PTPRG: variants seen among roughly 807,000 people sequenced by gnomAD.
The protein encoded by PTPRG is receptor-type tyrosine-protein phosphatase gamma.
In PTPRG, 102 loss-of-function variants were observed where a neutral mutation model predicts 165.3. The ratio of observed to expected loss-of-function variants is 0.62; its 90% confidence interval spans 0.53 to 0.73. The LOEUF is 0.73. Among genes scored for constraint, PTPRG ranks in the 30% least tolerant of loss-of-function variants. PTPRG has a pLI of 0.00. For missense variants in PTPRG, 1,866 were observed against 1,861.4 expected, an observed-to-expected ratio of 1.00 and a Z score of -0.05; for synonymous variants, 675 against 669.5, an observed-to-expected ratio of 1.01 and a Z score of -0.13.
chr3:61,654,061 C>T (rs1413692981), intron 1 of PTPRG, among the ~76,000 whole-genome samples: 1 of 152,156 alleles, frequency 6.6e-6, no homozygotes, highest in African/African-American at 2.4e-5. Flanking sequence ...TTCCAGGGCA[C>T]TTTGACTTTG....
chr3:62,009,156 G>C (rs2041361028), intron 4 of PTPRG, among the ~76,000 whole-genome samples: 1 of 152,146 alleles, frequency 6.6e-6, no homozygotes, highest in African/African-American at 2.4e-5. Flanking sequence ...TCTTGAAAAA[G>C]TATCCAGGGC....
chr3:62,251,783 T>A (rs1223757800), intron 15 of PTPRG, among the ~76,000 whole-genome samples: 1 of 152,212 alleles, frequency 6.6e-6, no homozygotes, highest in Non-Finnish European at 1.5e-5. Context: ...TACACAGGAA[T>A]ACAGTCTTTG....
chr3:61,862,710 T>C (rs1016465815), intron 2 of PTPRG, among the ~76,000 whole-genome samples: 1 of 152,194 alleles, frequency 6.6e-6, no homozygotes, highest in Non-Finnish European at 1.5e-5. Flanking sequence ...TTACTCAGAC[T>C]TAAAGAGTAG....
rs796738881 is a variant in PTPRG, at chr3:61,857,528, T to C, written c.190+108546T>C. On this transcript the variant is annotated intron_variant, in intron 2 of 29. Transcript: ENST00000474889. Reference sequence around the variant, plus strand: ...GTTGCCTTTGCCCCAGCACAGCGTATTGACAGTGATGATTCTTGAGTGTGA... The same window carrying C: ...GTTGCCTTTGCCCCAGCACAGCGTACTGACAGTGATGATTCTTGAGTGTGA... 1.9e-4 allele frequency among the ~76,000 whole-genome samples: 29 copies of C among 152,300 alleles called. 1 individual carries two copies. The highest frequency in any genetic ancestry group is 6.5e-4 in the African/African-American group (27 of 41,566).
chr3:62,142,876 A>C (rs1241611413), intron 6 of PTPRG, among the ~76,000 whole-genome samples: 2 of 152,236 alleles, frequency 1.3e-5, no homozygotes, highest in African/African-American at 4.8e-5. Flanking sequence ...TGATTAGCCC[A>C]GCAGGGATCA....
At chr3:61,677,017 C>T (rs1043037961) in intron 1 of PTPRG, among the ~76,000 whole-genome samples, 1 of 151,970 alleles carries the variant, frequency 6.6e-6, no homozygotes, top group South Asian at 2.1e-4. Flanking sequence ...GAGGCTGAGG[C>T]GGGTGGATCA....
chr3:61,571,954 T>C (rs1243892451), intron 1 of PTPRG, among the ~76,000 whole-genome samples: 1 of 152,200 alleles, frequency 6.6e-6, no homozygotes, highest in Non-Finnish European at 1.5e-5. Context: ...TGCCTCACCC[T>C]TCACTAAATG....
intron 2 of PTPRG, among the ~76,000 whole-genome samples, chr3:61,919,018 A>C (rs2039010420): frequency 6.6e-6 from 1 of 152,314 alleles, no homozygotes; most frequent in African/African-American, 2.4e-5. Flanking sequence ...CCCTTCCCAC[A>C]GTGTAGTAGG....
At chr3:61,703,480 G>A (rs541240820) in intron 1 of PTPRG, among the ~76,000 whole-genome samples, 8 of 152,312 alleles carry the variant, frequency 5.3e-5, no homozygotes, top group East Asian at 1.9e-4. Context: ...GAGTGATCCA[G>A]ATTTGGAAAC....
rs1321016247 is a variant in PTPRG, at chr3:62,273,115, C to G, written c.3318+34C>G. On this transcript the variant is annotated intron_variant, in intron 22 of 29. Coordinates refer to ENST00000474889, the MANE Select transcript of PTPRG (RefSeq NM_002841.4). The surrounding 1 kb of genome is among the most constrained non-coding windows in gnomAD (Gnocchi z 4.1). ...TAGCTGCCAGCGTCCTCACGACATT[C>G]TGGCAAATGCTGTAACTGAAATTTG... The G allele has an allele frequency of 1.3e-6, 2 of 1,563,852 alleles. No homozygotes were observed. The highest frequency in any genetic ancestry group is 4.6e-5 in the East Asian group (2 of 43,862).
chr3:61,960,693 C>T (rs564128415), intron 2 of PTPRG, among the ~76,000 whole-genome samples: 31 of 152,138 alleles, frequency 2.0e-4, no homozygotes, highest in Middle Eastern at 3.4e-3. Context: ...CAATTTTGTC[C>T]CCCTTGCTTC....
In PTPRG at chr3:61,738,300, A is replaced by ATGTATATATATATGTG. The variant is rs1559583330; in HGVS notation, c.86-10577_86-10576insGTATATATATATGTGT. Among the ~76,000 whole-genome samples the ATGTATATATATATGTG allele has an allele frequency of 4.1e-4, 25 of 60,634 alleles. No homozygotes were observed. The East Asian group carries it at 0.052, about 126-fold the overall frequency. 39.8% of individuals were successfully genotyped at this position (60,634 alleles called of 152,430 possible). The stretch of plus-strand genomic sequence containing the variant: ...TATACATATATATATATATATATAT[A>ATGTATATATATATGTG]TATATATATATACATATATATATAT... On this transcript the variant is annotated intron_variant, in intron 1 of 29. Coordinates refer to ENST00000474889, the MANE Select transcript of PTPRG (RefSeq NM_002841.4).
intron 4 of PTPRG, among the ~76,000 whole-genome samples, chr3:62,028,660 A>G (rs958865610): frequency 1.3e-5 from 2 of 152,254 alleles, no homozygotes; most frequent in African/African-American, 4.8e-5. Flanking sequence ...TGGGTTGCAC[A>G]TAACAGAAAC....
intron 2 of PTPRG, among the ~76,000 whole-genome samples, chr3:61,891,172 G>A (rs1044180598): frequency 4.6e-5 from 7 of 152,164 alleles, no homozygotes; most frequent in African/African-American, 1.7e-4. Context: ...ACAAAATTTA[G>A]CCAGGCGTTG....
At chr3:61,761,756 C>T (rs1029155441) in intron 2 of PTPRG, among the ~76,000 whole-genome samples, 2 of 152,190 alleles carry the variant, frequency 1.3e-5, no homozygotes, top group African/African-American at 4.8e-5. Flanking sequence ...CCACATTCTT[C>T]CAGCTTGAAA....
At chr3:62,174,518 C>G (rs1291742072) in intron 8 of PTPRG, among the ~76,000 whole-genome samples, 1 of 152,078 alleles carries the variant, frequency 6.6e-6, no homozygotes, top group Non-Finnish European at 1.5e-5. Flanking sequence ...TGGTTAAAAG[C>G]ACTTTTAAAG....
At chr3:61,626,938 A>C (rs754991598) in intron 1 of PTPRG, among the ~76,000 whole-genome samples, 3 of 152,172 alleles carry the variant, frequency 2.0e-5, no homozygotes, top group Non-Finnish European at 4.4e-5. Flanking sequence ...CAAAACCCAC[A>C]ATGAGGGGAA....
rs28739349 is a variant in PTPRG, at chr3:62,185,012, A to C, written c.1034-6457A>C. On this transcript the variant is annotated intron_variant, in intron 8 of 29. Transcript: ENST00000474889. ...ATTAGTTTATCTAAAGCCCCAAATG[A>C]AGAGGATGGGGTGGGGGTGGGGAGC... Among the ~76,000 whole-genome samples the C allele has an allele frequency of 6.3e-3, 932 of 147,630 alleles. 11 individuals carry two copies. Among genetic ancestry groups the C allele is most frequent in the African/African-American group, 0.022 (889 of 40,582 alleles).
At chr3:61,643,213 C>G (rs1378868411) in intron 1 of PTPRG, among the ~76,000 whole-genome samples, 1 of 151,976 alleles carries the variant, frequency 6.6e-6, no homozygotes, top group Admixed American at 6.6e-5. Context: ...TTGCTTGACC[C>G]CACAAGTTCA....
Sources: allele counts gnomAD v4.1 joint callset (sites outside exome capture counted in the v4.1 genomes callset), GRCh38; gene constraint gnomAD v4.1.1; non-coding constraint Gnocchi (gnomAD v3.1); transcripts MANE v1.5; gene names NCBI Gene and HGNC (gene_info 2026-07-23, HGNC 2026-07-21).